Variants in SH3RF3 observed in about 807,000 individuals in gnomAD.
The protein encoded by SH3RF3 is E3 ubiquitin-protein ligase SH3RF3.
In SH3RF3, 29 loss-of-function variants were observed where a neutral mutation model predicts 66.3. The ratio of observed to expected loss-of-function variants is 0.44; its 90% CI spans 0.33 to 0.60. The LOEUF (loss-of-function observed/expected upper bound fraction) is 0.60. Ranked by LOEUF, SH3RF3 falls within the 20% of genes least tolerant of loss-of-function variation. The probability of loss-of-function intolerance (pLI) is 0.04; values close to 1 mark genes in which losing one functional copy is unlikely to be tolerated. For synonymous variants in SH3RF3, 583 were observed against 532.0 expected (o/e 1.10, Z -1.32); for missense variants, 1,194 against 1,190.9 (o/e 1.00, Z -0.04).
intron 1 of SH3RF3, among the ~76,000 whole-genome samples, chr2:109,331,382 T>G (rs985576214): frequency 2.0e-5 from 3 of 152,086 alleles, no homozygotes; most frequent in African/African-American, 7.2e-5. Flanking sequence ...CTCTCTCCCC[T>G]TGTTTTGCAT....
chr2:109,154,313 T>G (rs1217956592), intron 1 of SH3RF3, among the ~76,000 whole-genome samples: 2 of 152,106 alleles, frequency 1.3e-5, no homozygotes, highest in African/African-American at 4.8e-5. Flanking sequence ...GTTTCCCAGC[T>G]TGGGTAGGTG....
intron 2 of SH3RF3, among the ~76,000 whole-genome samples, chr2:109,349,381 C>A (rs963397187): frequency 3.3e-5 from 5 of 152,222 alleles, no homozygotes. Flanking sequence ...TGCACAGCTT[C>A]CCGGGAAACT....
intron 1 of SH3RF3, among the ~76,000 whole-genome samples, chr2:109,137,787 C>T (rs771455013): frequency 4.9e-4 from 74 of 152,190 alleles, no homozygotes; most frequent in African/African-American, 1.7e-3. Flanking sequence ...AAAGACTAAT[C>T]GGTTAATCCT....
chr2:109,398,046 C>T (rs962175134), intron 3 of SH3RF3, among the ~76,000 whole-genome samples: 2 of 152,194 alleles, frequency 1.3e-5, no homozygotes, highest in African/African-American at 4.8e-5. Flanking sequence ...GAGGCGGTTA[C>T]TGAAAAGAGC....
chr2:109,301,644 G>A (rs763120230), intron 1 of SH3RF3, among the ~76,000 whole-genome samples: 1 of 152,174 alleles, frequency 6.6e-6, no homozygotes, highest in Non-Finnish European at 1.5e-5. Flanking sequence ...AGGCCATGCC[G>A]AGACCACTAG....
intron 5 of SH3RF3, among the ~76,000 whole-genome samples, chr2:109,423,895 A>G (rs903202771): frequency 1.3e-5 from 2 of 152,220 alleles, no homozygotes; most frequent in African/African-American, 4.8e-5. Flanking sequence ...TGGGACCCCA[A>G]GCAGGTGGGG....
At chr2:109,360,833 A>G (rs1383341528) in intron 2 of SH3RF3, among the ~76,000 whole-genome samples, 1 of 152,182 alleles carries the variant, frequency 6.6e-6, no homozygotes, top group Non-Finnish European at 1.5e-5. Context: ...TTATTGTATT[A>G]TCAAATATTT....
chr2:109,256,979 C>T (rs530633014), intron 1 of SH3RF3, among the ~76,000 whole-genome samples: 5 of 152,134 alleles, frequency 3.3e-5, no homozygotes, highest in African/African-American at 7.2e-5. Context: ...GGAGTTATTC[C>T]GCCTCTGCTC....
At chr2:109,404,346 C>G (rs116180161) in intron 4 of SH3RF3, among the ~76,000 whole-genome samples, 1 of 152,154 alleles carries the variant, frequency 6.6e-6, no homozygotes, top group African/African-American at 2.4e-5. Flanking sequence ...AAGGTGAGCT[C>G]GAGGCCTGGC....
intron 1 of SH3RF3, among the ~76,000 whole-genome samples, chr2:109,170,413 T>C (rs544009240): frequency 6.6e-5 from 10 of 151,946 alleles, no homozygotes; most frequent in African/African-American, 2.4e-4. Flanking sequence ...TGGCACAATC[T>C]CGGCTCACTG....
At chr2:109,196,323 C>T (rs1036286699) in intron 1 of SH3RF3, among the ~76,000 whole-genome samples, 1 of 152,214 alleles carries the variant, frequency 6.6e-6, no homozygotes, top group Non-Finnish European at 1.5e-5. Context: ...CTCCCCTGGC[C>T]CCAAGGCCTG....
chr2:109,279,714 G>A (rs763614006), intron 1 of SH3RF3, among the ~76,000 whole-genome samples: 11 of 151,840 alleles, frequency 7.2e-5, no homozygotes, highest in East Asian at 2.0e-4. Flanking sequence ...GCCAGCTTGC[G>A]TTTCTTTTGA....
At chr2:109,425,080 G>A (rs1330792014) in intron 5 of SH3RF3, among the ~76,000 whole-genome samples, 1 of 152,220 alleles carries the variant, frequency 6.6e-6, no homozygotes, top group Non-Finnish European at 1.5e-5. Flanking sequence ...CTGATACGGA[G>A]AATGTTTGAG....
At chr2:109,206,874 C>T (rs1678852703) in intron 1 of SH3RF3, among the ~76,000 whole-genome samples, 1 of 152,214 alleles carries the variant, frequency 6.6e-6, no homozygotes, top group South Asian at 2.1e-4. Context: ...ACTGAGCATT[C>T]TCAGTGCCCC....
At chr2:109,368,982 G>A (rs1287628498) in intron 2 of SH3RF3, among the ~76,000 whole-genome samples, 1 of 152,052 alleles carries the variant, frequency 6.6e-6, no homozygotes, top group Non-Finnish European at 1.5e-5. Flanking sequence ...ACAGATTTCC[G>A]GAGCATTCTG....
rs1573254768 is a variant in SH3RF3, at chr2:109,441,960, A to T, written c.1828+4814A>T. 3.3e-5 allele frequency among the ~76,000 whole-genome samples: 5 copies of T among 152,054 alleles called. 1 individual carries two copies. Among genetic ancestry groups the T allele is most frequent in the Admixed American group, 3.3e-4 (5 of 15,268 alleles). The stretch of plus-strand genomic sequence containing the variant: ...CCCAGCAAAAATATCTTTCAAAAAA[A>T]AAGCAAAATAAAGAATTATTCAGAA... On this transcript the variant is annotated intron_variant, in intron 7 of 9. Transcript: ENST00000309415.
chr2:109,457,025 G>A (rs1396444657), intron 8 of SH3RF3, among the ~76,000 whole-genome samples: 1 of 152,188 alleles, frequency 6.6e-6, no homozygotes, highest in Non-Finnish European at 1.5e-5. Context: ...CGGCTGCCTA[G>A]TGTGAATCAA....
At chr2:109,278,432 G>T (rs1295692619) in intron 1 of SH3RF3, among the ~76,000 whole-genome samples, 1 of 152,178 alleles carries the variant, frequency 6.6e-6, no homozygotes, top group African/African-American at 2.4e-5. Flanking sequence ...TTGGTGTTCA[G>T]TGTTGTCTGT....
chr2:109,202,488 G>C (rs1048734286), intron 1 of SH3RF3, among the ~76,000 whole-genome samples: 1 of 152,158 alleles, frequency 6.6e-6, no homozygotes, highest in Admixed American at 6.5e-5. Context: ...CCTGGGGCGC[G>C]TTCTTGTTCC....
Sources: gnomAD v4.1 joint callset for allele counts (sites outside exome capture counted in the v4.1 genomes callset) on GRCh38, gnomAD v4.1.1 for gene constraint, MANE v1.5 for transcripts, NCBI Gene and HGNC (gene_info 2026-07-23, HGNC 2026-07-21) for gene names.